Variants in OR51B5 observed in about 807,000 individuals in gnomAD.
OR51B5 encodes the protein olfactory receptor 51B5.
For missense variants in OR51B5, 456 were observed against 374.6 expected (o/e 1.22, Z -1.79); for synonymous variants, 186 against 144.8 (o/e 1.28, Z -2.04).
In OR51B5 at chr11:5,375,980, C is replaced by G. The variant is rs193250021; in HGVS notation, n.85-29070G>C. On this transcript the variant is annotated intron_variant and non_coding_transcript_variant, in intron 1 of 4. Transcript: ENST00000415970. Reference sequence around the variant, plus strand: ...GCAGACCTAATAGACATCTACAGAACTCTCCACCCCAAATCAACAGAATAT... The same window carrying G: ...GCAGACCTAATAGACATCTACAGAAGTCTCCACCCCAAATCAACAGAATAT... 4.9e-4 allele frequency among the ~76,000 whole-genome samples: 74 copies of G among 152,066 alleles called. No individual in the cohort carries two copies. The East Asian group carries it at 8.5e-3, about 17-fold the overall frequency.
chr11:5,372,252 A>C (rs777284458), intron 1 of OR51B5, among the ~76,000 whole-genome samples: 1 of 152,216 alleles, frequency 6.6e-6, no homozygotes, highest in Non-Finnish European at 1.5e-5. Flanking sequence ...TAGCTCTAGA[A>C]AATGCGGATT....
intron 1 of OR51B5, among the ~76,000 whole-genome samples, chr11:5,409,029 A>G (rs4581475): frequency 0.81 from 123,468 of 151,886 alleles, 51,231 homozygotes; most frequent in Non-Finnish European, 0.89. Flanking sequence ...GGTGGTACTA[A>G]CCTTTTTTAA....
chr11:5,448,784 G>A (rs1371165349), intron 1 of OR51B5, among the ~76,000 whole-genome samples: 3 of 152,210 alleles, frequency 2.0e-5, no homozygotes, highest in Non-Finnish European at 2.9e-5. Context: ...GTTAGCACAT[G>A]AAGGATGAAA....
chr11:5,352,806 A>C (rs1034411705), intron 1 of OR51B5, among the ~76,000 whole-genome samples: 1 of 145,394 alleles, frequency 6.9e-6, no homozygotes, highest in African/African-American at 2.5e-5. Context: ...ACTATTATAT[A>C]TATTTAATAT....
chr11:5,343,722 C>CTG, upstream of OR51B5: 1 of 464,406 alleles, frequency 2.2e-6, no homozygotes, highest in Non-Finnish European at 3.8e-6. Context: ...CTGCACATTC[C>CTG]AGGATCTATC....
intron 1 of OR51B5, among the ~76,000 whole-genome samples, chr11:5,375,769 A>AAT (rs1247791163): frequency 6.6e-6 from 1 of 152,180 alleles, no homozygotes; most frequent in Non-Finnish European, 1.5e-5. Context: ...AACTATCCTA[A>AAT]ATATATATGC....
intron 1 of OR51B5, among the ~76,000 whole-genome samples, chr11:5,439,210 T>C (rs543193551): frequency 6.6e-6 from 1 of 152,044 alleles, no homozygotes. Flanking sequence ...GAGGTAGGAA[T>C]TGAGGGAAAA....
rs188387012 is a variant in OR51B5, at chr11:5,390,690, C to T, written n.85-43780G>A. On this transcript the variant is annotated intron_variant and non_coding_transcript_variant, in intron 1 of 4. Transcript: ENST00000415970. ...GAAACTAAATAAAAACTAAAAAGAA[C>T]AATAAATACCAGAGCACCCAGAGGA... is the stretch of plus-strand genomic sequence containing the variant. The T allele has an allele frequency of 9.2e-5, 25 of 271,890 alleles. No individual in the cohort carries two copies. In the East Asian group the frequency reaches 1.4e-3, roughly 15 times the overall value. 16.8% of individuals were successfully genotyped at this position (271,890 alleles called of 1,614,324 possible). A position where few individuals can be genotyped will look rare whatever the true frequency, so the allele number is the denominator to read the frequency against.
intron 1 of OR51B5, among the ~76,000 whole-genome samples, chr11:5,439,983 T>C (rs947435040): frequency 3.3e-5 from 5 of 152,190 alleles, no homozygotes; most frequent in Non-Finnish European, 4.4e-5. Context: ...GTGTTTCTTC[T>C]CAGGCAATTA....
chr11:5,448,751 GGGA>G (rs1274424360), intron 1 of OR51B5, among the ~76,000 whole-genome samples: 2 of 152,166 alleles, frequency 1.3e-5, no homozygotes, highest in Non-Finnish European at 2.9e-5. Context: ...GTCTGTTTCT[GGGA>G]GGAGAAGCCA....
At chr11:5,391,198 T>G (rs969876506) in intron 1 of OR51B5, 3 of 152,240 alleles carry the variant, frequency 2.0e-5, no homozygotes, top group Admixed American at 6.5e-5. Flanking sequence ...AAACTTTACA[T>G]TGGCTGATCA....
chr11:5,381,792 CAAAT>C (rs1346041913), intron 1 of OR51B5, among the ~76,000 whole-genome samples: 8 of 152,234 alleles, frequency 5.3e-5, no homozygotes, highest in African/African-American at 1.4e-4. Flanking sequence ...ATTTGGTTTT[CAAAT>C]AAATCTATTG....
intron 1 of OR51B5, among the ~76,000 whole-genome samples, chr11:5,438,334 T>C (rs1384970880): frequency 8.7e-6 from 1 of 114,362 alleles, no homozygotes; most frequent in Non-Finnish European, 1.8e-5. Context: ...TGGAGACAAA[T>C]TCTCCAAACT....
At chr11:5,422,852 A>G (rs1308927708) in intron 1 of OR51B5, 2 of 1,613,986 alleles carry the variant, frequency 1.2e-6, no homozygotes, top group South Asian at 2.2e-5. Flanking sequence ...GCTCATTGTG[A>G]TCTCCTATAC....
Position 5,408,275 on chromosome 11 carries a change from T to C in OR51B5, n.85-61365A>G, listed in dbSNP as rs77362020. On this transcript the variant is annotated intron_variant and non_coding_transcript_variant, in intron 1 of 4. Coordinates refer to the OR51B5 transcript ENST00000415970. ...CCCAATAATTGCTTTCTAAGTGATATCTTATTTTATCCCATGTATTAGGAA... is the reference window on the plus strand; with the variant it reads ...CCCAATAATTGCTTTCTAAGTGATACCTTATTTTATCCCATGTATTAGGAA... Among the ~76,000 whole-genome samples the C allele has an allele frequency of 0.039, 5,896 of 152,178 alleles. 516 individuals carry two copies. The East Asian group carries it at 0.4, about 10-fold the overall frequency.
At chr11:5,373,625 C>T (rs939881141) in intron 1 of OR51B5, among the ~76,000 whole-genome samples, 4 of 152,144 alleles carry the variant, frequency 2.6e-5, no homozygotes, top group South Asian at 4.1e-4. Context: ...CACTCCCACC[C>T]GAATACTGTG....
chr11:5,496,421 C>T (rs1275330013), intron 1 of OR51B5, among the ~76,000 whole-genome samples: 1 of 2,966 alleles, frequency 3.4e-4, no homozygotes, highest in Non-Finnish European at 6.6e-4. Flanking sequence ...CCTTTCACCG[C>T]TCATGGTTTA....
At chr11:5,413,244 A>ACT (rs1345145962) in intron 1 of OR51B5, among the ~76,000 whole-genome samples, 2 of 152,188 alleles carry the variant, frequency 1.3e-5, no homozygotes, top group African/African-American at 2.4e-5. Flanking sequence ...TAGAAGGAAA[A>ACT]CTAACAAACA....
At chr11:5,504,540 G>A (rs1846345992) in intron 1 of OR51B5, among the ~76,000 whole-genome samples, 1 of 152,160 alleles carries the variant, frequency 6.6e-6, no homozygotes, top group South Asian at 2.1e-4. Context: ...ACAGCAGATG[G>A]GAAGTCCTAG....
Sources: gnomAD v4.1 joint callset for allele counts (sites outside exome capture counted in the v4.1 genomes callset) on GRCh38, gnomAD v4.1.1 for gene constraint, MANE v1.5 for transcripts, NCBI Gene and HGNC (gene_info 2026-07-23, HGNC 2026-07-21) for gene names.